Variants in PCDHGC3 observed in about 807,000 individuals in gnomAD.
The protein encoded by PCDHGC3 is protocadherin gamma-C3.
In PCDHGC3, 26 loss-of-function variants were observed where a neutral mutation model predicts 59.2. The observed-to-expected ratio is 0.44, with a 90% CI of 0.32 to 0.61. PCDHGC3 has a LOEUF of 0.61. Ranked by LOEUF, PCDHGC3 falls within the 20% of genes least tolerant of loss-of-function variation. The probability of loss-of-function intolerance (pLI) is 0.05; values close to 1 mark genes in which losing one functional copy is unlikely to be tolerated. For synonymous variants in PCDHGC3, 487 were observed against 519.7 expected (o/e 0.94, Z 0.86); for missense variants, 1,080 against 1,221.8 (o/e 0.88, Z 1.73).
Position 141,504,710 on chromosome 5 carries a change from G to A in PCDHGC3, c.2490-683G>A, listed in dbSNP as rs528205869. The stretch of plus-strand genomic sequence containing the variant: ...AGGAGGGGCAGGTTCTTCTATGGCC[G>A]TGGATTTTACTCTGAGGGCTTAGGA... On this transcript the variant is annotated intron_variant, in intron 2 of 3. Transcript: ENST00000308177. Among the ~76,000 whole-genome samples the A allele has an allele frequency of 1.4e-4, 21 of 151,968 alleles. No homozygotes were observed. The East Asian group carries it at 3.7e-3, about 27-fold the overall frequency.
chr5:141,491,723 G>C lies in PCDHGC3; in HGVS notation c.2431-3084G>C. The C allele has an allele frequency of 1.2e-6, 2 of 1,606,770 alleles. No homozygotes were observed. The highest frequency in any genetic ancestry group is 1.7e-6 in the Non-Finnish European group (2 of 1,177,028). On this transcript the variant is annotated intron_variant, in intron 1 of 3. Transcript: ENST00000308177. The surrounding 1 kb of genome is among the most constrained non-coding windows in gnomAD (Gnocchi z 6.9). The stretch of plus-strand genomic sequence containing the variant: ...CAGGTGAGGGGCTCGGCGCCGCCCC[G>C]GGCGACCCCTGGGGGCGGCACTGGA...
At chr5:141,480,584 G>A (rs1421730652) in intron 1 of PCDHGC3, among the ~76,000 whole-genome samples, 1 of 134,606 alleles carries the variant, frequency 7.4e-6, no homozygotes, top group Non-Finnish European at 1.6e-5. Context: ...AATAACTGCC[G>A]CTCTTCTGGT....
At chr5:141,494,069 C>T (rs1249076667) in intron 1 of PCDHGC3, among the ~76,000 whole-genome samples, 1 of 152,146 alleles carries the variant, frequency 6.6e-6, no homozygotes, top group Non-Finnish European at 1.5e-5. Context: ...GAGCTGGATC[C>T]CTCCCCGCTG....
Position 141,487,247 on chromosome 5 carries a change from T to C in PCDHGC3, c.2431-7560T>C. Reference sequence around the variant, plus strand: ...GGAAGGAGAATCTCGTCTAACCCTCTACTTGGCTGTGTCCCTAGTGGCAAT... The same window carrying C: ...GGAAGGAGAATCTCGTCTAACCCTCCACTTGGCTGTGTCCCTAGTGGCAAT... On this transcript the variant is annotated intron_variant, in intron 1 of 3. Transcript: ENST00000308177. This position sits in a 1 kb window ranked among gnomAD's most constrained non-coding sequence, Gnocchi z 5.0. 1 of 1,614,174 alleles carries C rather than the reference T, an allele frequency of 6.2e-7. No individual in the cohort carries two copies. The highest frequency in any genetic ancestry group is 1.3e-5 in the African/African-American group (1 of 75,048).
At position 141,486,028 on chromosome 5, in the gene PCDHGC3, C is replaced by T; in HGVS notation, c.2430+7482C>T. On this transcript the variant is annotated intron_variant, in intron 1 of 3. Transcript: ENST00000308177. This position sits in a 1 kb window ranked among gnomAD's most constrained non-coding sequence, Gnocchi z 5.0. ...TCACCTTTTATTTCAGTGGTCATAC[C>T]CCTGATCGTGTAAGAAACCTCTTTA... The T allele has an allele frequency of 6.2e-7, 1 of 1,614,134 alleles. No individual in the cohort carries two copies. Among genetic ancestry groups the T allele is most frequent in the Non-Finnish European group, 8.5e-7 (1 of 1,180,020 alleles).
In PCDHGC3 at chr5:141,493,985, C is replaced by A. The variant is rs1444608753; in HGVS notation, c.2431-822C>A. On this transcript the variant is annotated intron_variant, in intron 1 of 3. Coordinates refer to ENST00000308177, the MANE Select transcript of PCDHGC3 (RefSeq NM_002588.4). This position sits in a 1 kb window ranked among gnomAD's most constrained non-coding sequence, Gnocchi z 4.3. ...GCTGGCCAGAGCCCCACACCTTCAGCTAGGTGGGAGATGGCTACACATCAG... is the reference window on the plus strand; with the variant it reads ...GCTGGCCAGAGCCCCACACCTTCAGATAGGTGGGAGATGGCTACACATCAG... Among the ~76,000 whole-genome samples the A allele has an allele frequency of 6.6e-6, 1 of 152,196 alleles. No individual in the cohort carries two copies. The highest frequency in any genetic ancestry group is 1.5e-5 in the Non-Finnish European group (1 of 68,032).
Position 141,476,370 on chromosome 5 carries a change from A to G in PCDHGC3, c.254A>G (p.Glu85Gly), listed in dbSNP as rs747703594. 13 of 1,613,882 alleles carry G rather than the reference A, an allele frequency of 8.1e-6. No individual in the cohort carries two copies. In the East Asian group the frequency reaches 2.7e-4, roughly 33 times the overall value. The change falls in exon 1 of 4, where the codon GAG (glutamate) becomes GGG (glycine). Residue 85 changes from glutamate to glycine, a missense_variant. By Grantham distance (98) the Glu-to-Gly change is moderately conservative. Transcript: ENST00000308177. This position sits in a 1 kb window ranked among gnomAD's most constrained non-coding sequence, Gnocchi z 7.6. ...RFFEVNRETGEMFVNDRLDRE... is the reference protein window; with the variant it reads ...RFFEVNRETGGMFVNDRLDRE... ...TTTGAGGTGAACCGGGAGACCGGAG[A>G]GATGTTTGTGAACGACCGTCTGGAT...
In PCDHGC3 at chr5:141,506,176, C is replaced by T. The variant is rs183157987; in HGVS notation, c.2578+695C>T. ...CCTTAAGAGCACAGCCTAAGCTGGG[C>T]GTGGTGGCTCACGCCTGTAATCCCA... is the stretch of plus-strand genomic sequence containing the variant. On this transcript the variant is annotated intron_variant, in intron 3 of 3. Coordinates refer to ENST00000308177, the MANE Select transcript of PCDHGC3 (RefSeq NM_002588.4). Among the ~76,000 whole-genome samples the T allele has an allele frequency of 3.0e-3, 454 of 152,234 alleles. 1 individual carries two copies. The highest frequency in any genetic ancestry group is 0.021 in the Admixed American group (317 of 15,296).
chr5:141,489,334 C>T lies in PCDHGC3; in HGVS notation c.2431-5473C>T, dbSNP rs768635851. On this transcript the variant is annotated intron_variant, in intron 1 of 3. Transcript: ENST00000308177. This position sits in a 1 kb window ranked among gnomAD's most constrained non-coding sequence, Gnocchi z 4.5. ...CTGGGGCTGGGTGTCTGGGCAGCTTCGTTACTCAGTGGTGGAGGAGTCTGA... is the reference window on the plus strand; with the variant it reads ...CTGGGGCTGGGTGTCTGGGCAGCTTTGTTACTCAGTGGTGGAGGAGTCTGA... The T allele has an allele frequency of 3.7e-6, 6 of 1,606,732 alleles. No individual in the cohort carries two copies. The highest frequency in any genetic ancestry group is 1.1e-5 in the South Asian group (1 of 90,048).
rs200843744 is a variant in PCDHGC3, at chr5:141,491,417, G to C, written c.2431-3390G>C. 18 of 1,613,988 alleles carry C rather than the reference G, an allele frequency of 1.1e-5. No individual in the cohort carries two copies. Among genetic ancestry groups the C allele is most frequent in the Admixed American group, 5.0e-5 (3 of 60,006 alleles). ...CAGGGAAACGCAGACGGGGACGGGGGTGGAGGGCAGTGCTGCAGGCGCCAG... is the reference window on the plus strand; with the variant it reads ...CAGGGAAACGCAGACGGGGACGGGGCTGGAGGGCAGTGCTGCAGGCGCCAG... On this transcript the variant is annotated intron_variant, in intron 1 of 3. Transcript: ENST00000308177. This position sits in a 1 kb window ranked among gnomAD's most constrained non-coding sequence, Gnocchi z 6.9.
In PCDHGC3 at chr5:141,511,036, G is replaced by T; in HGVS notation, c.2668G>T (p.Val890Leu). The T allele has an allele frequency of 1.2e-6, 2 of 1,614,200 alleles. No homozygotes were observed. The highest frequency in any genetic ancestry group is 1.7e-6 in the Non-Finnish European group (2 of 1,180,024). Residue 890 changes from valine to leucine, a missense_variant, in exon 4 of 4, where the codon GTG (valine) becomes TTG (leucine). Transcript: ENST00000308177. ...RYGPQFTLQHVPDYRQNVYIP... is the reference protein window; with the variant it reads ...RYGPQFTLQHLPDYRQNVYIP... Reference sequence around the variant, plus strand: ...CGGACCCCAGTTCACCCTGCAGCACGTGCCCGACTACCGCCAGAATGTCTA... The same window carrying T: ...CGGACCCCAGTTCACCCTGCAGCACTTGCCCGACTACCGCCAGAATGTCTA...
chr5:141,490,726 AATCAGG>A lies in PCDHGC3; in HGVS notation c.2431-4080_2431-4075del. The A allele has an allele frequency of 6.2e-7, 1 of 1,614,202 alleles. No homozygotes were observed. The highest frequency in any genetic ancestry group is 8.5e-7 in the Non-Finnish European group (1 of 1,180,032). On this transcript the variant is annotated intron_variant, in intron 1 of 3. Transcript: ENST00000308177. This position sits in a 1 kb window ranked among gnomAD's most constrained non-coding sequence, Gnocchi z 5.4. Reference sequence around the variant, plus strand: ...CCGCCTCACCTACTCCATTGTAGGAAATCAGGTTCAGGGAGCCCCAGCCTCCTCCTT... The same window carrying A: ...CCGCCTCACCTACTCCATTGTAGGAATTCAGGGAGCCCCAGCCTCCTCCTT...
In PCDHGC3 at chr5:141,476,499, TC is replaced by T; in HGVS notation, c.384del (p.Asn129ThrfsTer12). 1 of 1,614,110 alleles carries T rather than the reference TC, an allele frequency of 6.2e-7. No individual in the cohort carries two copies. Among genetic ancestry groups the T allele is most frequent in the Non-Finnish European group, 8.5e-7 (1 of 1,180,020 alleles). ...LFSVEVVIQD[I>X]NDNNPAFPTQ... ...AGCGTGGAAGTGGTGATCCAGGACATCAACGACAACAATCCTGCTTTCCCTA... is the reference window on the plus strand; with the variant it reads ...AGCGTGGAAGTGGTGATCCAGGACATAACGACAACAATCCTGCTTTCCCTA... On this transcript the variant is annotated frameshift_variant, in exon 1 of 4. Transcript: ENST00000308177. LOFTEE classifies it high-confidence loss of function. The surrounding 1 kb of genome is among the most constrained non-coding windows in gnomAD (Gnocchi z 7.6).
Position 141,491,075 on chromosome 5 carries a change from A to G in PCDHGC3, c.2431-3732A>G, listed in dbSNP as rs147291399. ...TGGCTCTCCTACTCACTGTTGCCAC[A>G]GTCCACAGCCCCAGGACTGTTCCTC... is the stretch of plus-strand genomic sequence containing the variant. On this transcript the variant is annotated intron_variant, in intron 1 of 3. Coordinates refer to ENST00000308177, the MANE Select transcript of PCDHGC3 (RefSeq NM_002588.4). This position sits in a 1 kb window ranked among gnomAD's most constrained non-coding sequence, Gnocchi z 6.9. 1.2e-6 allele frequency: 2 copies of G among 1,614,080 alleles called. No individual in the cohort carries two copies. Among genetic ancestry groups the G allele is most frequent in the Non-Finnish European group, 8.5e-7 (1 of 1,180,042 alleles).
chr5:141,497,495 T>C (rs193075970), intron 2 of PCDHGC3, among the ~76,000 whole-genome samples: 28 of 151,186 alleles, frequency 1.9e-4, no homozygotes, highest in Admixed American at 1.7e-3. Context: ...TCTCTCTCTC[T>C]CCTCTCTCTG....
At position 141,487,382 on chromosome 5, in the gene PCDHGC3, T is replaced by A. The variant is rs755316738; in HGVS notation, c.2431-7425T>A. 6.2e-7 allele frequency: 1 copy of A among 1,614,172 alleles called. No individual in the cohort carries two copies. The highest frequency in any genetic ancestry group is 2.2e-5 in the East Asian group (1 of 44,854). On this transcript the variant is annotated intron_variant, in intron 1 of 3. Transcript: ENST00000308177. The surrounding 1 kb of genome is among the most constrained non-coding windows in gnomAD (Gnocchi z 5.0). ...TGGCACCTGTGCCTGTCTCACCAGA[T>A]CTCGAAGGAGGGAGGGGCTTCCCCC...
intron 3 of PCDHGC3, chr5:141,508,275 T>G (rs1030431371): frequency 6.6e-6 from 1 of 152,138 alleles, no homozygotes. Context: ...ATCCCGGTCC[T>G]TGACCAAGGT....
At position 141,491,423 on chromosome 5, in the gene PCDHGC3, G is replaced by A; in HGVS notation, c.2431-3384G>A. The A allele has an allele frequency of 3.1e-6, 5 of 1,614,126 alleles. No homozygotes were observed. Among genetic ancestry groups the A allele is most frequent in the Non-Finnish European group, 4.2e-6 (5 of 1,180,036 alleles). ...AACGCAGACGGGGACGGGGGTGGAGGGCAGTGCTGCAGGCGCCAGGACTCA... is the reference window on the plus strand; with the variant it reads ...AACGCAGACGGGGACGGGGGTGGAGAGCAGTGCTGCAGGCGCCAGGACTCA... On this transcript the variant is annotated intron_variant, in intron 1 of 3. Transcript: ENST00000308177. The surrounding 1 kb of genome is among the most constrained non-coding windows in gnomAD (Gnocchi z 6.9).
chr5:141,485,362 G>T lies in PCDHGC3; in HGVS notation c.2430+6816G>T. 6.2e-7 allele frequency: 1 copy of T among 1,614,144 alleles called. No individual in the cohort carries two copies. ...ATACGGACAGTCTGTCAGCTCGCAG[G>T]CTGCAGGTCGCTGGAGAGGTGAACC... is the stretch of plus-strand genomic sequence containing the variant. On this transcript the variant is annotated intron_variant, in intron 1 of 3. Coordinates refer to ENST00000308177, the MANE Select transcript of PCDHGC3 (RefSeq NM_002588.4). The surrounding 1 kb of genome is among the most constrained non-coding windows in gnomAD (Gnocchi z 5.7).
Sources: allele counts gnomAD v4.1 joint callset (sites outside exome capture counted in the v4.1 genomes callset), GRCh38; gene constraint gnomAD v4.1.1; non-coding constraint Gnocchi (gnomAD v3.1); transcripts MANE v1.5; gene names NCBI Gene and HGNC (gene_info 2026-07-23, HGNC 2026-07-21).